Variants in XPR1 observed in about 807,000 individuals in gnomAD.
The protein encoded by XPR1 is xenotropic and polytropic retrovirus receptor 1.
A neutral mutation model predicts 87.5 loss-of-function variants in XPR1; 28 were observed. The observed-to-expected ratio is 0.32, with a 90% confidence interval of 0.24 to 0.44. The LOEUF (loss-of-function observed/expected upper bound fraction) is 0.44. XPR1 is among the 20% of genes least tolerant of loss of function. The probability of loss-of-function intolerance (pLI) is 1.00; values close to 1 mark genes in which losing one functional copy is unlikely to be tolerated. For synonymous variants in XPR1, 300 were observed against 306.1 expected (o/e 0.98, Z 0.21); for missense variants, 559 against 862.3 (o/e 0.65, Z 4.41).
intron 2 of XPR1, among the ~76,000 whole-genome samples, chr1:180,731,461 T>A (rs1441415944): frequency 6.6e-6 from 1 of 152,184 alleles, no homozygotes; most frequent in Non-Finnish European, 1.5e-5. Context: ...CAAGGAGGCC[T>A]ATGGTGCTGT....
At chr1:180,668,282 C>T (rs181254358) in intron 1 of XPR1, among the ~76,000 whole-genome samples, 1 of 152,040 alleles carries the variant, frequency 6.6e-6, no homozygotes, top group African/African-American at 2.4e-5. Context: ...GCATATGCCA[C>T]CACGTCTGGC....
chr1:180,783,412 T>C (rs960730178), intron 2 of XPR1, among the ~76,000 whole-genome samples: 7 of 152,038 alleles, frequency 4.6e-5, no homozygotes, highest in Non-Finnish European at 1.0e-4. Flanking sequence ...TATGAATACC[T>C]TTTCATTTTG....
intron 1 of XPR1, among the ~76,000 whole-genome samples, chr1:180,656,316 A>G (rs115144889): frequency 0.053 from 6,281 of 118,398 alleles, 249 homozygotes; most frequent in Non-Finnish European, 0.075. Context: ...TCCATTATAT[A>G]TATAATATTT....
chr1:180,759,797 G>T (rs907372619), intron 2 of XPR1, among the ~76,000 whole-genome samples: 3 of 152,090 alleles, frequency 2.0e-5, no homozygotes, highest in Non-Finnish European at 4.4e-5. Context: ...CCAAAGCCTG[G>T]CAGAGACACA....
At chr1:180,714,884 A>G (rs1380111436) in intron 2 of XPR1, among the ~76,000 whole-genome samples, 8 of 152,104 alleles carry the variant, frequency 5.3e-5, no homozygotes, top group Admixed American at 5.2e-4. Flanking sequence ...GATATACAGT[A>G]GTATGCTATT....
chr1:180,752,620 T>G (rs937520097), intron 2 of XPR1, among the ~76,000 whole-genome samples: 2 of 152,144 alleles, frequency 1.3e-5, no homozygotes, highest in African/African-American at 2.4e-5. Context: ...ACATCTTGTT[T>G]GGGGTGAAGG....
chr1:180,678,500 C>T (rs1379925644), intron 1 of XPR1, among the ~76,000 whole-genome samples: 1 of 152,126 alleles, frequency 6.6e-6, no homozygotes, highest in Non-Finnish European at 1.5e-5. Context: ...TTTTATTATA[C>T]CTCAGTTGCA....
intron 2 of XPR1, among the ~76,000 whole-genome samples, chr1:180,707,572 T>G (rs1248771596): frequency 6.6e-6 from 1 of 152,234 alleles, no homozygotes; most frequent in Non-Finnish European, 1.5e-5. Context: ...CTGTGGAATA[T>G]AGGCAGACCC....
chr1:180,741,265 G>A (rs1658913454), intron 2 of XPR1, among the ~76,000 whole-genome samples: 1 of 152,132 alleles, frequency 6.6e-6, no homozygotes, highest in South Asian at 2.1e-4. Context: ...CAGGATTCTA[G>A]TGATTCTCCT....
chr1:180,665,894 G>A (rs1655944075), intron 1 of XPR1, among the ~76,000 whole-genome samples: 1 of 151,956 alleles, frequency 6.6e-6, no homozygotes, highest in Non-Finnish European at 1.5e-5. Flanking sequence ...TAAATTTGAT[G>A]TTCCTGTGGG....
chr1:180,730,892 C>T (rs1228375682), intron 2 of XPR1, among the ~76,000 whole-genome samples: 1 of 151,848 alleles, frequency 6.6e-6, no homozygotes, highest in Non-Finnish European at 1.5e-5. Context: ...GTCTTGAACT[C>T]CTGGGCTCAA....
intron 4 of XPR1, among the ~76,000 whole-genome samples, chr1:180,804,134 C>T (rs10914109): frequency 0.031 from 4,788 of 152,062 alleles, 171 homozygotes; most frequent in African/African-American, 0.086. Flanking sequence ...TACAGGCGCA[C>T]GCCACCATCC....
intron 2 of XPR1, among the ~76,000 whole-genome samples, chr1:180,732,941 T>C (rs1418161734): frequency 6.6e-6 from 1 of 152,164 alleles, no homozygotes; most frequent in Non-Finnish European, 1.5e-5. Context: ...TGGGAAGGTT[T>C]TCCCCTGGTG....
chr1:180,715,245 T>C (rs957647807), intron 2 of XPR1, among the ~76,000 whole-genome samples: 2 of 152,206 alleles, frequency 1.3e-5, no homozygotes, highest in Admixed American at 6.5e-5. Context: ...CTCACACTTC[T>C]TTACTGAATA....
At chr1:180,796,223 C>T (rs938411489) in intron 3 of XPR1, among the ~76,000 whole-genome samples, 6 of 152,264 alleles carry the variant, frequency 3.9e-5, no homozygotes, top group Admixed American at 1.3e-4. Context: ...TGTGTTTGAG[C>T]TTTCTGGCGA....
intron 2 of XPR1, among the ~76,000 whole-genome samples, chr1:180,772,481 G>C (rs542068618): frequency 3.0e-4 from 45 of 152,244 alleles, no homozygotes; most frequent in African/African-American, 4.3e-4. Context: ...GTGTGTGTGT[G>C]TGTCTGTCTG....
chr1:180,850,372 C>G (rs1412612717), intron 11 of XPR1, among the ~76,000 whole-genome samples: 1 of 152,120 alleles, frequency 6.6e-6, no homozygotes, highest in Non-Finnish European at 1.5e-5. Flanking sequence ...TTTCTTCTCA[C>G]TCCCTTTTTA....
intron 11 of XPR1, among the ~76,000 whole-genome samples, chr1:180,861,436 CAGCT>C (rs1444834465): frequency 3.3e-5 from 5 of 152,010 alleles, no homozygotes; most frequent in Non-Finnish European, 7.4e-5. Context: ...TGACACTTCT[CAGCT>C]AGACCCTATA....
chr1:180,759,170 A>G (rs1323267183), intron 2 of XPR1, among the ~76,000 whole-genome samples: 4 of 152,238 alleles, frequency 2.6e-5, no homozygotes, highest in African/African-American at 9.6e-5. Flanking sequence ...AGCAGGAAAG[A>G]TCTAAAATTG....
Sources: allele counts gnomAD v4.1 joint callset (sites outside exome capture counted in the v4.1 genomes callset), GRCh38; gene constraint gnomAD v4.1.1; transcripts MANE v1.5; gene names NCBI Gene and HGNC (gene_info 2026-07-23, HGNC 2026-07-21).